Variants in ADGRB1 observed in about 807,000 individuals in gnomAD.
The protein encoded by ADGRB1 is adhesion G protein-coupled receptor B1, also known as brain-specific angiogenesis inhibitor 1.
In ADGRB1, 36 loss-of-function variants were observed where a neutral mutation model predicts 175.7. The ratio of observed to expected loss-of-function variants is 0.20; its 90% CI spans 0.16 to 0.27. The LOEUF is 0.27. Among genes scored for constraint, ADGRB1 ranks in the 10% least tolerant of loss-of-function variants. The probability of loss-of-function intolerance (pLI) is 1.00; values close to 1 mark genes in which losing one functional copy is unlikely to be tolerated. For missense variants in ADGRB1, 1,731 were observed against 2,255.3 expected (o/e 0.77, Z 4.71); for synonymous variants, 1,054 against 979.4 (o/e 1.08, Z -1.42).
intron 3 of ADGRB1, among the ~76,000 whole-genome samples, chr8:142,476,042 T>G (rs2131784386): frequency 6.6e-6 from 1 of 152,298 alleles, no homozygotes; most frequent in South Asian, 2.1e-4. Context: ...GAAGGCTGGC[T>G]GTGGGACCTC....
intron 2 of ADGRB1, among the ~76,000 whole-genome samples, chr8:142,469,883 C>A (rs558538780): frequency 7.9e-5 from 12 of 152,184 alleles, no homozygotes; most frequent in Non-Finnish European, 1.5e-4. Flanking sequence ...CAGAGTTGAC[C>A]CCAGATCCTG....
In ADGRB1 at chr8:142,511,230, A is replaced by G. The variant is rs568000950; in HGVS notation, c.2817+157A>G. On this transcript the variant is annotated intron_variant, in intron 18 of 30. Coordinates refer to ENST00000517894, the MANE Select transcript of ADGRB1 (RefSeq NM_001702.3). The surrounding 1 kb of genome is among the most constrained non-coding windows in gnomAD (Gnocchi z 4.5). ...TGGCCTGGCCCGGCCGGCGGGGTCCATGCGCCTCTGGAGAGGGTGGGTGGG... is the reference window on the plus strand; with the variant it reads ...TGGCCTGGCCCGGCCGGCGGGGTCCGTGCGCCTCTGGAGAGGGTGGGTGGG... 4.5e-4 allele frequency among the ~76,000 whole-genome samples: 68 copies of G among 151,748 alleles called. 1 individual carries two copies. The highest frequency in any genetic ancestry group is 1.6e-3 in the African/African-American group (66 of 41,434).
chr8:142,516,077 T>C (rs575213719), intron 18 of ADGRB1, among the ~76,000 whole-genome samples: 2 of 152,310 alleles, frequency 1.3e-5, no homozygotes, highest in African/African-American at 4.8e-5. Flanking sequence ...TGGCACCTGG[T>C]ACACTTGGGC....
Position 142,543,736 on chromosome 8 carries a change from G to T in ADGRB1, c.4557+28G>T. ...CTGGAGGGCAGGGAGGGGCGGGGTG[G>T]GGAGAGCCCTTAGGTCAGGCCACCG... On this transcript the variant is annotated intron_variant, in intron 30 of 30. Transcript: ENST00000517894. The surrounding 1 kb of genome is among the most constrained non-coding windows in gnomAD (Gnocchi z 4.4). The T allele has an allele frequency of 6.6e-7, 1 of 1,521,890 alleles. No individual in the cohort carries two copies. The highest frequency in any genetic ancestry group is 1.2e-5 in the South Asian group (1 of 83,490). The allele number at this position is 1,521,890 out of a possible 1,614,324, so 94.3% of individuals were successfully genotyped here.
At chr8:142,450,721 C>T (rs181041898) in intron 1 of ADGRB1, among the ~76,000 whole-genome samples, 1 of 152,178 alleles carries the variant, frequency 6.6e-6, no homozygotes, top group Non-Finnish European at 1.5e-5. Flanking sequence ...TAGAAGCCCT[C>T]GCCTGTAGAC....
chr8:142,492,124 C>G lies in ADGRB1; in HGVS notation c.2675+1309C>G, dbSNP rs1587333869. Reference sequence around the variant, plus strand: ...TTCTTTAATCTATACCCACTGCCACCACCCTCCACCCACCAACCATCAACC... The same window carrying G: ...TTCTTTAATCTATACCCACTGCCACGACCCTCCACCCACCAACCATCAACC... On this transcript the variant is annotated intron_variant, in intron 17 of 30. Transcript: ENST00000517894. This position sits in a 1 kb window ranked among gnomAD's most constrained non-coding sequence, Gnocchi z 4.4. Among the ~76,000 whole-genome samples the G allele has an allele frequency of 6.6e-6, 1 of 152,026 alleles. No homozygotes were observed. Among genetic ancestry groups the G allele is most frequent in the African/African-American group, 2.4e-5 (1 of 41,380 alleles).
Position 142,490,765 on chromosome 8 carries a change from C to G in ADGRB1, c.2632-7C>G. ...AGGGGCCCTGACTCCTCTCCCCTCT[C>G]TCCCAGGGCACCACCAACCAGACCT... On this transcript the variant is annotated splice_region_variant and splice_polypyrimidine_tract_variant and intron_variant, in intron 16 of 30. Coordinates refer to ENST00000517894, the MANE Select transcript of ADGRB1 (RefSeq NM_001702.3). The G allele has an allele frequency of 1.3e-6, 2 of 1,576,580 alleles. No individual in the cohort carries two copies. Among genetic ancestry groups the G allele is most frequent in the Non-Finnish European group, 8.6e-7 (1 of 1,161,150 alleles).
chr8:142,544,175 C>G (rs1845455421), intron 30 of ADGRB1, 45 bp from the exon 31 acceptor site: 17 of 1,538,324 alleles, frequency 1.1e-5, no homozygotes, highest in Non-Finnish European at 1.4e-5. Context: ...GCTCATGGCT[C>G]TCCCTCCGGG....
At chr8:142,494,621 A>C (rs908609209) in intron 17 of ADGRB1, among the ~76,000 whole-genome samples, 5 of 151,850 alleles carry the variant, frequency 3.3e-5, no homozygotes, top group African/African-American at 1.2e-4. Context: ...CATGGGCTCA[A>C]CACTCAAGCC....
Position 142,542,346 on chromosome 8 carries a change from A to G in ADGRB1, c.4112A>G (p.Gln1371Arg), listed in dbSNP as rs1845322157. The change falls in exon 28 of 31, where the codon CAG becomes CGG. Residue 1371 changes from glutamine (Q) to arginine (R), a missense_variant. Physicochemically the swap from Gln to Arg is conservative, Grantham distance 43 (BLOSUM62 1). Coordinates refer to ENST00000517894, the MANE Select transcript of ADGRB1 (RefSeq NM_001702.3). The surrounding 1 kb of genome is among the most constrained non-coding windows in gnomAD (Gnocchi z 6.3). ...EEPKYSIHID[Q>R]MPQTRLIHLS... ...CCCAAGTACAGCATCCACATTGACC[A>G]GATGCCGCAGACCCGCCTCATCCAC... 3.2e-6 allele frequency: 5 copies of G among 1,583,810 alleles called. No homozygotes were observed. Among genetic ancestry groups the G allele is most frequent in the Non-Finnish European group, 2.6e-6 (3 of 1,164,862 alleles).
In ADGRB1 at chr8:142,464,634, C is replaced by G; in HGVS notation, c.436C>G (p.Arg146Gly). 1 of 1,520,476 alleles carries G rather than the reference C, an allele frequency of 6.6e-7. No homozygotes were observed. The highest frequency in any genetic ancestry group is 1.2e-5 in the South Asian group (1 of 82,120). The allele number at this position is 1,520,476 out of a possible 1,614,324, so 94.2% of individuals were successfully genotyped here. Residue 146 changes from arginine (R) to glycine (G), a missense_variant, in exon 2 of 31, where the codon CGG becomes GGG. Coordinates refer to ENST00000517894, the MANE Select transcript of ADGRB1 (RefSeq NM_001702.3). ...LQASKQFLQM[R>G]RQQPPQHDGL... ...GGCCAGCAAGCAGTTCCTGCAGATG[C>G]GGCGCCAGCAGCCGCCCCAGCACGA... is the stretch of plus-strand genomic sequence containing the variant.
chr8:142,491,528 G>A (rs1193698458), intron 17 of ADGRB1, among the ~76,000 whole-genome samples: 1 of 152,200 alleles, frequency 6.6e-6, no homozygotes, highest in East Asian at 1.9e-4. Context: ...AAGTGCCAGC[G>A]CCCAGGGCTG....
chr8:142,464,395 C>G lies in ADGRB1; in HGVS notation c.197C>G (p.Ser66Trp). Residue 66 changes from serine to tryptophan, a missense_variant, in exon 2 of 31, where the codon TCG becomes TGG. Ser to Trp is a radical substitution (Grantham distance 177, BLOSUM62 -3). Coordinates refer to ENST00000517894, the MANE Select transcript of ADGRB1 (RefSeq NM_001702.3). ...SAAAVFPANA[S>W]RCSWTLRNPD... Reference sequence around the variant, plus strand: ...GCCGCCGTGTTCCCGGCCAACGCCTCGCGCTGCTCCTGGACGCTACGCAAC... The same window carrying G: ...GCCGCCGTGTTCCCGGCCAACGCCTGGCGCTGCTCCTGGACGCTACGCAAC... 1 of 1,529,680 alleles carries G rather than the reference C, an allele frequency of 6.5e-7. No individual in the cohort carries two copies. Among genetic ancestry groups the G allele is most frequent in the East Asian group, 2.6e-5 (1 of 38,644 alleles). The allele number at this position is 1,529,680 out of a possible 1,614,324, so 94.8% of individuals were successfully genotyped here.
intron 19 of ADGRB1, among the ~76,000 whole-genome samples, chr8:142,520,392 G>C (rs1843732811): frequency 1.2e-5 from 1 of 84,136 alleles, no homozygotes; most frequent in Non-Finnish European, 2.6e-5. Context: ...TGATGGTAGT[G>C]ATTGTGATGT....
chr8:142,542,236 C>T lies in ADGRB1; in HGVS notation c.4002C>T (p.Ser1334=). 2 of 1,613,616 alleles carry T rather than the reference C, an allele frequency of 1.2e-6. No homozygotes were observed. The highest frequency in any genetic ancestry group is 1.1e-5 in the South Asian group (1 of 91,082). The part of the protein sequence containing the change: ...DIFKKLDSEL[S]RAQEKALDTS... ...TCAAGAAGCTGGACTCGGAGCTGAG[C>T]CGGGCCCAGGAGAAGGCTCTGGACA... Residue 1334 remains serine (S), a synonymous_variant, in exon 28 of 31, where the codon AGC becomes AGT. Coordinates refer to ENST00000517894, the MANE Select transcript of ADGRB1 (RefSeq NM_001702.3). This position sits in a 1 kb window ranked among gnomAD's most constrained non-coding sequence, Gnocchi z 6.3.
In ADGRB1 at chr8:142,544,958, C is replaced by CT. The variant is rs1278654232; in HGVS notation, c.*542dup. ...CCTCCAGGAAGAAGCAGGGGGGAAT[C>CT]TATTTTTTCTCTCCTTTTCTTTTCT... On this transcript the variant is annotated 3_prime_UTR_variant, in exon 31 of 31. Coordinates refer to ENST00000517894, the MANE Select transcript of ADGRB1 (RefSeq NM_001702.3). 3 of 152,688 alleles carry CT rather than the reference C, an allele frequency of 2.0e-5. No individual in the cohort carries two copies. The highest frequency in any genetic ancestry group is 2.9e-5 in the Non-Finnish European group (2 of 68,210). The allele number at this position is 152,688 out of a possible 1,614,324, so 9.5% of individuals were successfully genotyped here.
intron 13 of ADGRB1, among the ~76,000 whole-genome samples, chr8:142,485,040 C>G (rs924866655): frequency 1.3e-5 from 2 of 152,304 alleles, no homozygotes; most frequent in East Asian, 3.9e-4. Context: ...AGAGCGTATT[C>G]TGCCTGTCAC....
At chr8:142,469,165 G>GCA (rs10631902) in intron 2 of ADGRB1, among the ~76,000 whole-genome samples, 23 of 146,390 alleles carry the variant, frequency 1.6e-4, no homozygotes, top group South Asian at 6.6e-4. Context: ...GCATGTGTGT[G>GCA]TGTGTGCATG....
rs1843002086 is a variant in ADGRB1 at position 142,510,108 on chromosome 8, A to T, written c.2676-824A>T. 6.6e-6 allele frequency among the ~76,000 whole-genome samples: 1 copy of T among 151,856 alleles called. No individual in the cohort carries two copies. Among genetic ancestry groups the T allele is most frequent in the Non-Finnish European group, 1.5e-5 (1 of 67,916 alleles). On this transcript the variant is annotated intron_variant, in intron 17 of 30. Coordinates refer to ENST00000517894, the MANE Select transcript of ADGRB1 (RefSeq NM_001702.3). This position sits in a 1 kb window ranked among gnomAD's most constrained non-coding sequence, Gnocchi z 6.3. ...GAGGAAGAGGAGGAGGTGGAGGAGG[A>T]AGAACAGGAGGAGGAGGTTGGGGGT...
Sources: gnomAD v4.1 joint callset for allele counts (sites outside exome capture counted in the v4.1 genomes callset) on GRCh38, gnomAD v4.1.1 for gene constraint, Gnocchi (gnomAD v3.1) non-coding constraint, MANE v1.5 for transcripts, NCBI Gene and HGNC (gene_info 2026-07-23, HGNC 2026-07-21) for gene names.